The following ANKHD1 variants were observed in gnomAD, a reference collection of about 807,000 sequenced individuals.
The protein encoded by ANKHD1 is ankyrin repeat and KH domain-containing protein 1.
ANKHD1 carries 31 observed loss-of-function variants against 230.5 expected under a neutral mutation model. The observed-to-expected ratio is 0.13, with a 90% CI of 0.10 to 0.18. ANKHD1 has a LOEUF of 0.18. Ranked by LOEUF, ANKHD1 falls within the 10% of genes least tolerant of loss-of-function variation. The pLI is 1.00. For missense variants in ANKHD1, 2,256 were observed against 3,071.3 expected (o/e 0.73, Z 6.27); for synonymous variants, 1,074 against 1,117.6 (o/e 0.96, Z 0.78).
chr5:140,527,804 T>A lies in ANKHD1; in HGVS notation c.5088-69T>A, dbSNP rs546762691. 13 of 1,508,414 alleles carry A rather than the reference T, an allele frequency of 8.6e-6. No homozygotes were observed. In the South Asian group the frequency reaches 1.5e-4, roughly 17 times the overall value. 93.4% of individuals were successfully genotyped at this position (1,508,414 alleles called of 1,614,324 possible). ...TCTCCAAAATGTCCATGAACATACT[T>A]ACTAAGACATCTTTCTTAATAAAGA... On this transcript the variant is annotated intron_variant, in intron 27 of 33. Coordinates refer to ENST00000360839, the MANE Select transcript of ANKHD1 (RefSeq NM_017747.3). This position sits in a 1 kb window ranked among gnomAD's most constrained non-coding sequence, Gnocchi z 4.5.
At chr5:140,454,909 A>T (rs1775046811) in intron 7 of ANKHD1, among the ~76,000 whole-genome samples, 1 of 152,216 alleles carries the variant, frequency 6.6e-6, no homozygotes, top group African/African-American at 2.4e-5. Flanking sequence ...CCTTCAAAAA[A>T]AATCAATGAA....
intron 14 of ANKHD1, among the ~76,000 whole-genome samples, chr5:140,495,380 G>A (rs1479062443): frequency 1.3e-5 from 2 of 151,914 alleles, no homozygotes; most frequent in African/African-American, 4.8e-5. Flanking sequence ...TGAGTAGCTG[G>A]GACTACAGGC....
chr5:140,459,807 A>G (rs1334657661), intron 9 of ANKHD1, among the ~76,000 whole-genome samples: 1 of 152,172 alleles, frequency 6.6e-6, no homozygotes, highest in Non-Finnish European at 1.5e-5. Context: ...ACTGTTTAGA[A>G]AAAGACTTAT....
At chr5:140,451,198 A>G (rs1290645566) in intron 7 of ANKHD1, among the ~76,000 whole-genome samples, 2 of 146,288 alleles carry the variant, frequency 1.4e-5, no homozygotes. Flanking sequence ...CAAAAATTCA[A>G]GTAAATTCAA....
At chr5:140,525,688 T>C (rs10434719) in intron 25 of ANKHD1, among the ~76,000 whole-genome samples, 4 of 152,042 alleles carry the variant, frequency 2.6e-5, no homozygotes, top group Non-Finnish European at 5.9e-5. Context: ...GCCAACATGG[T>C]GAAACCCTGT....
chr5:140,503,989 T>G (rs756927009), intron 15 of ANKHD1, among the ~76,000 whole-genome samples: 2 of 152,182 alleles, frequency 1.3e-5, no homozygotes, highest in Non-Finnish European at 2.9e-5. Flanking sequence ...AAATAAATAT[T>G]GAATTTAGGA....
chr5:140,442,050 T>TC (rs1425668900), intron 5 of ANKHD1, among the ~76,000 whole-genome samples: 1 of 142,178 alleles, frequency 7.0e-6, no homozygotes, highest in East Asian at 2.0e-4. Flanking sequence ...TTTTTTTTTT[T>TC]TTTTTTTGAG....
At chr5:140,417,817 A>G (rs2126863810) in intron 1 of ANKHD1, among the ~76,000 whole-genome samples, 1 of 147,668 alleles carries the variant, frequency 6.8e-6, no homozygotes, top group East Asian at 2.0e-4. Flanking sequence ...AGTACAAGGA[A>G]CTTTTCCCAT....
Position 140,497,055 on chromosome 5 carries a change from C to A in ANKHD1, c.2781C>A (p.Val927=). Residue 927 remains valine, a synonymous_variant, in exon 15 of 34, where the codon GTC becomes GTA. Transcript: ENST00000360839. ...PSAEQIDFVP[V]QPLSSPQCNF... is the part of the protein sequence containing the mutation. ...CAGAACAGATTGATTTTGTCCCAGT[C>A]CAGCCTTTATCATCTCCACAGTGTA... is the stretch of plus-strand genomic sequence containing the variant. The A allele has an allele frequency of 1.2e-6, 2 of 1,614,146 alleles. No individual in the cohort carries two copies. Among genetic ancestry groups the A allele is most frequent in the Non-Finnish European group, 1.7e-6 (2 of 1,180,008 alleles).
Position 140,459,217 on chromosome 5 carries a change from G to T in ANKHD1, c.1534G>T (p.Ala512Ser). 6.2e-7 allele frequency: 1 copy of T among 1,600,114 alleles called. No individual in the cohort carries two copies. The change falls in exon 9 of 34, where the codon GCT becomes TCT. Residue 512 changes from alanine (A) to serine (S), a missense_variant. Around this residue, in one of 13 missense-constraint regions of ANKHD1, gnomAD observed 179 missense variants for 261.8 expected, o/e 0.68. Coordinates refer to ENST00000360839, the MANE Select transcript of ANKHD1 (RefSeq NM_017747.3). Reference sequence around the variant, plus strand: ...AACTCAAGAAACTGCTCTTACTTTGGCTTGCTGTGGAGGATTTTCTGAAGT... The same window carrying T: ...AACTCAAGAAACTGCTCTTACTTTGTCTTGCTGTGGAGGATTTTCTGAAGT... ...EETQETALTL[A>S]CCGGFSEVAD... is the part of the protein sequence containing the mutation.
chr5:140,479,774 G>A (rs1022237538), intron 10 of ANKHD1, among the ~76,000 whole-genome samples: 10 of 148,848 alleles, frequency 6.7e-5, no homozygotes, highest in South Asian at 2.1e-4. Flanking sequence ...ATGTATATGC[G>A]TATATATGTG....
rs977058911 is a variant in ANKHD1 at position 140,499,800 on chromosome 5, A to C, written c.3004+2522A>C. On this transcript the variant is annotated intron_variant, in intron 15 of 33. Transcript: ENST00000360839. ...AAAGTTCAAATGTCTAGGAATATAA[A>C]GTAATTTAAAGAAATTCAAAATAGC... Among the ~76,000 whole-genome samples the C allele has an allele frequency of 2.0e-5, 3 of 152,262 alleles. No individual in the cohort carries two copies. The East Asian group carries it at 5.8e-4, about 29-fold the overall frequency.
Position 140,458,678 on chromosome 5 carries a change from C to T in ANKHD1, c.1296C>T (p.Asn432=). 1 of 1,612,462 alleles carries T rather than the reference C, an allele frequency of 6.2e-7. No homozygotes were observed. Among genetic ancestry groups the T allele is most frequent in the South Asian group, 1.1e-5 (1 of 90,862 alleles). Residue 432 remains asparagine (N), a synonymous_variant, in exon 8 of 34, where the codon AAC becomes AAT. Transcript: ENST00000360839. The part of the protein sequence containing the change: ...RLLLDSGAQV[N]MPADSFESPL... The stretch of plus-strand genomic sequence containing the variant: ...TTTTGGATAGTGGTGCTCAAGTGAA[C>T]ATGCCTGCAGATTCATTTGAATCTC...
At chr5:140,532,550 C>G (rs1217701046) in intron 29 of ANKHD1, among the ~76,000 whole-genome samples, 1 of 152,242 alleles carries the variant, frequency 6.6e-6, no homozygotes, top group South Asian at 2.1e-4. Flanking sequence ...AATTATTCTA[C>G]CTTGGCATCC....
At chr5:140,440,906 G>T in intron 4 of ANKHD1, 89 bp from the exon 5 acceptor site, 2 of 1,345,738 alleles carry the variant, frequency 1.5e-6, no homozygotes, top group Non-Finnish European at 1.9e-6. Context: ...TATTCTAGAA[G>T]AATATCTTCA....
Position 140,485,985 on chromosome 5 carries a change from GTTATC to G in ANKHD1, c.2142+258_2142+262del, listed in dbSNP as rs1751484451. Reference sequence around the variant, plus strand: ...AATATAAACGTAAGTATTCTAAGTTGTTATCTTATTACAACTAGGTTTTTCAGGGT... The same window carrying G: ...AATATAAACGTAAGTATTCTAAGTTGTTATTACAACTAGGTTTTTCAGGGT... On this transcript the variant is annotated intron_variant, in intron 13 of 33. Transcript: ENST00000360839. The surrounding 1 kb of genome is among the most constrained non-coding windows in gnomAD (Gnocchi z 4.8). The G allele has an allele frequency of 9.7e-6, 4 of 413,852 alleles. No individual in the cohort carries two copies. The highest frequency in any genetic ancestry group is 5.1e-5 in the East Asian group (1 of 19,512). 25.6% of individuals were successfully genotyped at this position (413,852 alleles called of 1,614,324 possible). A position where few individuals can be genotyped will look rare whatever the true frequency, so the allele number is the denominator to read the frequency against.
At chr5:140,496,222 C>T (rs1314712315) in intron 14 of ANKHD1, among the ~76,000 whole-genome samples, 1 of 151,732 alleles carries the variant, frequency 6.6e-6, no homozygotes, top group Admixed American at 6.6e-5. Flanking sequence ...TTTCCTTTTC[C>T]CCGCCCCTGA....
intron 14 of ANKHD1, among the ~76,000 whole-genome samples, chr5:140,489,505 AAC>A (rs1055688380): frequency 6.6e-6 from 1 of 151,932 alleles, no homozygotes; most frequent in African/African-American, 2.4e-5. Flanking sequence ...ATAAATAAAT[AAC>A]ACAGATCCAC....
intron 7 of ANKHD1, among the ~76,000 whole-genome samples, chr5:140,454,105 A>G (rs1029928743): frequency 3.3e-5 from 5 of 152,212 alleles, no homozygotes; most frequent in African/African-American, 2.4e-5. Flanking sequence ...ACAAAGATCA[A>G]AAGAGACAAG....
Sources: allele counts gnomAD v4.1 joint callset (sites outside exome capture counted in the v4.1 genomes callset), GRCh38; gene constraint gnomAD v4.1.1; regional missense constraint gnomAD v4.1.1; non-coding constraint Gnocchi (gnomAD v3.1); transcripts MANE v1.5; gene names NCBI Gene and HGNC (gene_info 2026-07-23, HGNC 2026-07-21).